The following CCDC171 variants were observed in gnomAD, a reference collection of about 807,000 sequenced individuals.
The protein encoded by CCDC171 is coiled-coil domain containing 171.
CCDC171 carries 177 observed loss-of-function variants against 168.2 expected under a neutral mutation model. The ratio of observed to expected loss-of-function variants is 1.05; its 90% CI spans 0.93 to 1.19. The LOEUF is 1.19. Ranked by LOEUF, CCDC171 falls within the 50% of genes most tolerant of loss-of-function variation. The probability of loss-of-function intolerance (pLI) is 0.00; values close to 1 mark genes in which losing one functional copy is unlikely to be tolerated. For synonymous variants in CCDC171, 687 were observed against 540.8 expected (o/e 1.27, Z -3.75); for missense variants, 1,991 against 1,539.0 (o/e 1.29, Z -4.91).
chr9:15,953,739 A>T (rs560114739), intron 25 of CCDC171, among the ~76,000 whole-genome samples: 1 of 152,252 alleles, frequency 6.6e-6, no homozygotes, highest in South Asian at 2.1e-4. Flanking sequence ...GAAGAGTTTG[A>T]GGAGGACTAA....
intron 15 of CCDC171, 24 bp from the exon 16 acceptor site, chr9:15,729,586 T>C: frequency 1.3e-6 from 2 of 1,508,362 alleles, no homozygotes; most frequent in Non-Finnish European, 1.8e-6. Flanking sequence ...CATATTTCCT[T>C]CTCTGTTGCA....
chr9:15,893,087 T>C (rs1820435962), intron 24 of CCDC171, among the ~76,000 whole-genome samples: 1 of 151,976 alleles, frequency 6.6e-6, no homozygotes, highest in African/African-American at 2.4e-5. Flanking sequence ...TAAGCACAGA[T>C]ACATAGACTA....
At position 16,058,343 on chromosome 9, in the gene CCDC171, C is replaced by T. The variant is rs115517398; in HGVS notation, n.90-2303C>T. On this transcript the variant is annotated intron_variant and non_coding_transcript_variant, in intron 1 of 1. Transcript: ENST00000478913. ...CATCATCCACCGTGAGAACACTCCCCTGCCTCTTTCCTCCCTCTATTTCTC... is the reference window on the plus strand; with the variant it reads ...CATCATCCACCGTGAGAACACTCCCTTGCCTCTTTCCTCCCTCTATTTCTC... 7.3e-3 allele frequency among the ~76,000 whole-genome samples: 1,114 copies of T among 152,302 alleles called. 18 individuals carry two copies. Among genetic ancestry groups the T allele is most frequent in the African/African-American group, 0.026 (1,087 of 41,560 alleles).
intron 3 of CCDC171, among the ~76,000 whole-genome samples, chr9:16,012,543 A>AT (rs202005577): frequency 0.32 from 46,568 of 145,564 alleles, 7,446 homozygotes; most frequent in African/African-American, 0.35. Flanking sequence ...TTTCTATTGA[A>AT]TTTTTTTTTT....
chr9:15,950,504 T>G (rs894106536), intron 25 of CCDC171, among the ~76,000 whole-genome samples: 148 of 152,034 alleles, frequency 9.7e-4, no homozygotes, highest in Non-Finnish European at 1.7e-3. Flanking sequence ...CAACCCAGAA[T>G]TTCATATCCA....
At chr9:15,887,680 A>G (rs1246984696) in intron 24 of CCDC171, 2 of 152,140 alleles carry the variant, frequency 1.3e-5, no homozygotes, top group Non-Finnish European at 2.9e-5. Flanking sequence ...TGCTTAATTC[A>G]TTTATTTTCA....
intron 3 of CCDC171, among the ~76,000 whole-genome samples, chr9:16,011,188 T>C (rs150825886): frequency 2.6e-5 from 4 of 152,224 alleles, no homozygotes; most frequent in Middle Eastern, 3.4e-3. Context: ...GACTATGTAG[T>C]GGCTATGAGG....
rs556762035 is a variant in CCDC171 at position 15,785,855 on chromosome 9, C to T, written c.3267+1161C>T. 1.6e-3 allele frequency among the ~76,000 whole-genome samples: 244 copies of T among 152,074 alleles called. 1 individual carries two copies. The highest frequency in any genetic ancestry group is 3.3e-3 in the Admixed American group (50 of 15,258). On this transcript the variant is annotated intron_variant, in intron 21 of 25. Coordinates refer to ENST00000380701, the MANE Select transcript of CCDC171 (RefSeq NM_173550.4). Reference sequence around the variant, plus strand: ...TACATGAATTACTCATTTTAAACTACCTCTGTGAGGTAGGTACTATTATTA... The same window carrying T: ...TACATGAATTACTCATTTTAAACTATCTCTGTGAGGTAGGTACTATTATTA...
intron 18 of CCDC171, among the ~76,000 whole-genome samples, chr9:15,771,308 A>G (rs1299918765): frequency 2.0e-5 from 3 of 152,220 alleles, no homozygotes; most frequent in East Asian, 1.9e-4. Flanking sequence ...TTTCATGAAC[A>G]GTGTTGACCG....
At chr9:15,947,883 G>C (rs1186545472) in intron 25 of CCDC171, among the ~76,000 whole-genome samples, 2 of 151,460 alleles carry the variant, frequency 1.3e-5, no homozygotes, top group Admixed American at 1.3e-4. Context: ...GTGCAGGTTA[G>C]TTACATATGT....
rs182880988 is a variant in CCDC171 at position 15,646,059 on chromosome 9, C to G, written c.823-11068C>G. 6.2e-3 allele frequency among the ~76,000 whole-genome samples: 945 copies of G among 152,330 alleles called. 7 individuals are homozygous for G. Among genetic ancestry groups the G allele is most frequent in the African/African-American group, 0.022 (916 of 41,560 alleles). On this transcript the variant is annotated intron_variant, in intron 7 of 25. Coordinates refer to ENST00000380701, the MANE Select transcript of CCDC171 (RefSeq NM_173550.4). ...CTAACAGTGGATCTCTCAGCAGAAA[C>G]TCTACAAGCCAGAAGAGAGTGGGGG...
rs116897848 is a variant in CCDC171, at chr9:15,678,261, T to G, written c.1077-497T>G. Among the ~76,000 whole-genome samples, 486 of 152,166 alleles carry G rather than the reference T, an allele frequency of 3.2e-3. 2 individuals are homozygous for G. The highest frequency in any genetic ancestry group is 0.01 in the Middle Eastern group (3 of 294). On this transcript the variant is annotated intron_variant, in intron 9 of 25. Transcript: ENST00000380701. ...GGCGAATCCTTTGAAAAGAAATTCG[T>G]ATGTCTTCAAAGTGAATGTGAATTA...
chr9:15,732,930 G>A (rs1174903472), intron 16 of CCDC171, among the ~76,000 whole-genome samples: 1 of 152,108 alleles, frequency 6.6e-6, no homozygotes, highest in East Asian at 1.9e-4. Context: ...CACTAGCAAT[G>A]TAAGAGATTT....
chr9:15,618,302 A>G (rs1033113506), intron 6 of CCDC171, among the ~76,000 whole-genome samples: 2 of 152,172 alleles, frequency 1.3e-5, no homozygotes, highest in African/African-American at 2.4e-5. Context: ...CAAACCTCCC[A>G]GTCTCCTTAG....
chr9:15,966,982 GT>G (rs1227646709), intron 25 of CCDC171, among the ~76,000 whole-genome samples: 1 of 152,020 alleles, frequency 6.6e-6, no homozygotes, highest in Non-Finnish European at 1.5e-5. Context: ...GTGAATGTAT[GT>G]TTTTATGTGT....
intron 2 of CCDC171, among the ~76,000 whole-genome samples, chr9:15,568,356 C>T (rs1014760508): frequency 7.3e-5 from 11 of 151,628 alleles, no homozygotes; most frequent in East Asian, 3.9e-4. Context: ...CTGCAAGCTC[C>T]GCCTCCCGGG....
the CCDC171 span, among the ~76,000 whole-genome samples, chr9:16,104,710 C>G: frequency 2.0e-5 from 3 of 151,372 alleles, no homozygotes; most frequent in African/African-American, 7.3e-5. Flanking sequence ...TCACCCAAGC[C>G]TTCATTTAAT....
chr9:15,606,885 C>T (rs1011276678), intron 6 of CCDC171, among the ~76,000 whole-genome samples: 7 of 152,116 alleles, frequency 4.6e-5, no homozygotes, highest in African/African-American at 1.7e-4. Context: ...TTCCAGTGTC[C>T]TTAATATGAT....
intron 25 of CCDC171, among the ~76,000 whole-genome samples, chr9:15,940,042 A>G (rs888667751): frequency 2.0e-5 from 3 of 151,888 alleles, no homozygotes; most frequent in East Asian, 1.9e-4. Flanking sequence ...GCTTTACTCA[A>G]TGCGTACACT....
Sources: gnomAD v4.1 joint callset for allele counts (sites outside exome capture counted in the v4.1 genomes callset) on GRCh38, gnomAD v4.1.1 for gene constraint, MANE v1.5 for transcripts, NCBI Gene and HGNC (gene_info 2026-07-23, HGNC 2026-07-21) for gene names.